COL5A3: variants seen among roughly 807,000 people sequenced by gnomAD.
The protein encoded by COL5A3 is collagen alpha-3(V) chain.
In COL5A3, 172 loss-of-function variants were observed where a neutral mutation model predicts 250.0. The ratio of observed to expected loss-of-function variants is 0.69; its 90% CI spans 0.61 to 0.78. COL5A3 has a LOEUF of 0.78. COL5A3 is among the 30% of genes least tolerant of loss of function. The pLI, the probability that COL5A3 is intolerant of heterozygous loss-of-function variation, is 0.00. For missense variants in COL5A3, 2,340 were observed against 2,334.4 expected (o/e 1.00, Z -0.05); for synonymous variants, 937 against 900.4 (o/e 1.04, Z -0.73).
At chr19:9,986,656 C>A in intron 28 of COL5A3, 50 bp from the exon 29 acceptor site, 11 of 1,613,712 alleles carry the variant, frequency 6.8e-6, no homozygotes, top group Non-Finnish European at 9.3e-6. Flanking sequence ...GGAAGGGACA[C>A]AACCAGGACC....
intron 16 of COL5A3, 75 bp downstream of exon 16, chr19:9,995,489 G>T: frequency 7.3e-7 from 1 of 1,362,468 alleles, no homozygotes; most frequent in South Asian, 1.4e-5. Flanking sequence ...CAGACCCCAA[G>T]GTCACAAAGC....
chr19:9,970,798 C>A (rs945537712), intron 53 of COL5A3, 123 bp from the exon 54 acceptor site: 1 of 1,002,144 alleles, frequency 1.0e-6, no homozygotes, highest in Non-Finnish European at 1.4e-6. Context: ...GGTACTCCCA[C>A]CTCCCACCTA....
rs781654072 is a variant in COL5A3 at position 9,969,648 on chromosome 19, G to A, written c.4025C>T (p.Thr1342Met). 2.0e-4 allele frequency: 317 copies of A among 1,588,852 alleles called. 2 individuals are homozygous for A. Among genetic ancestry groups the A allele is most frequent in the South Asian group, 5.1e-4 (44 of 86,942 alleles). The change falls in exon 56 of 67, where the codon ACG (threonine) becomes ATG (methionine). Residue 1342 changes from threonine to methionine, a missense_variant. This residue lies in a region of COL5A3 where 1,179 missense variants were observed against 1,162.6 expected (regional missense o/e 1.01). Coordinates refer to ENST00000264828, the MANE Select transcript of COL5A3 (RefSeq NM_015719.4). ...GGGCCCTCTAGCCCCCATTGGACCC[G>A]TCCTCCCTGGGGGCCCATCAGGACC... ...EPGPDGPPGR[T>M]GPMGARGPPG...
intron 22 of COL5A3, 64 bp downstream of exon 22, chr19:9,991,940 G>A (rs1184375460): frequency 6.4e-7 from 1 of 1,569,866 alleles, no homozygotes. Context: ...AAGGGAATAG[G>A]GATGTGGACA....
intron 8 of COL5A3, among the ~76,000 whole-genome samples, chr19:9,998,562 A>G (rs2087306637): frequency 6.6e-6 from 1 of 152,180 alleles, no homozygotes; most frequent in Non-Finnish European, 1.5e-5. Flanking sequence ...TTGGCACACA[A>G]CAAGCACTCC....
At position 9,979,897 on chromosome 19, in the gene COL5A3, G is replaced by T. The variant is rs1037628134; in HGVS notation, c.2659-5C>A. 6.4e-7 allele frequency: 1 copy of T among 1,570,570 alleles called. No homozygotes were observed. Among genetic ancestry groups the T allele is most frequent in the Non-Finnish European group, 8.6e-7 (1 of 1,165,642 alleles). On this transcript the variant is annotated splice_polypyrimidine_tract_variant and splice_region_variant and intron_variant, in intron 36 of 66. Coordinates refer to ENST00000264828, the MANE Select transcript of COL5A3 (RefSeq NM_015719.4). ...CCCATCTTTACCTTGGTGACCCTGGGGGATGAGGTGGGAAAAAGTTGGGGC... is the reference window on the plus strand; with the variant it reads ...CCCATCTTTACCTTGGTGACCCTGGTGGATGAGGTGGGAAAAAGTTGGGGC...
chr19:9,998,401 A>G (rs2087304694), intron 8 of COL5A3, among the ~76,000 whole-genome samples: 1 of 152,164 alleles, frequency 6.6e-6, no homozygotes, highest in Non-Finnish European at 1.5e-5. Flanking sequence ...CTGATCCTGC[A>G]TCTGCCTCTT....
intron 5 of COL5A3, 61 bp downstream of exon 5, chr19:10,003,980 T>C: frequency 7.4e-7 from 1 of 1,356,072 alleles, no homozygotes; most frequent in Non-Finnish European, 1.1e-6. Flanking sequence ...TCTAGGGATC[T>C]GGAGCCAGGA....
At chr19:9,989,784 G>A (rs1029936475) in intron 24 of COL5A3, among the ~76,000 whole-genome samples, 1 of 152,148 alleles carries the variant, frequency 6.6e-6, no homozygotes, top group Non-Finnish European at 1.5e-5. Context: ...GCACAACAGG[G>A]TAACTATAGT....
Position 9,960,447 on chromosome 19 carries a change from A to G in COL5A3, c.5202T>C (p.Phe1734=), listed in dbSNP as rs768698248. 7 of 1,614,176 alleles carry G rather than the reference A, an allele frequency of 4.3e-6. No homozygotes were observed. In the South Asian group the frequency reaches 6.6e-5, roughly 15 times the overall value. Residue 1734 remains phenylalanine (F), a synonymous_variant, in exon 67 of 67, where the codon TTT becomes TTC. Transcript: ENST00000264828. ...ATDFGQTNQK[F]GFELGPVCFS... is the part of the protein sequence containing the mutation. ...AGCAGACGGGGCCCAGTTCAAACCC[A>G]AACTTTTGGTTCGTCTGGCCAAAGT...
chr19:9,983,941 A>G (rs980606287), intron 31 of COL5A3, among the ~76,000 whole-genome samples: 41 of 152,066 alleles, frequency 2.7e-4, no homozygotes, highest in African/African-American at 9.4e-4. Context: ...GTCAAATCCA[A>G]CGTAGGCAAG....
chr19:9,995,513 G>A (rs2087256473), intron 16 of COL5A3, 51 bp downstream of exon 16: 2 of 1,516,592 alleles, frequency 1.3e-6, no homozygotes, highest in African/African-American at 2.8e-5. Flanking sequence ...GGCTCATGTT[G>A]GGTGTTGAGG....
At chr19:9,979,493 A>C (rs1599545772) in intron 37 of COL5A3, 76 bp from the exon 38 acceptor site, 1 of 1,511,582 alleles carries the variant, frequency 6.6e-7, no homozygotes. Flanking sequence ...GGAAGGCCTG[A>C]TAGGATCAGG....
At position 9,997,968 on chromosome 19, in the gene COL5A3, C is replaced by T. The variant is rs1489098065; in HGVS notation, c.1200+16G>A. Reference sequence around the variant, plus strand: ...GAAGGGAAAGACTGGAAGAAGGAAACACAGCCATGACTTACTTGGGGTCCT... The same window carrying T: ...GAAGGGAAAGACTGGAAGAAGGAAATACAGCCATGACTTACTTGGGGTCCT... On this transcript the variant is annotated intron_variant, in intron 10 of 66. Transcript: ENST00000264828. 1 of 1,613,888 alleles carries T rather than the reference C, an allele frequency of 6.2e-7. No individual in the cohort carries two copies. Among genetic ancestry groups the T allele is most frequent in the African/African-American group, 1.3e-5 (1 of 74,908 alleles).
intron 1 of COL5A3, 71 bp downstream of exon 1, chr19:10,010,223 CCCCT>C: frequency 9.1e-7 from 1 of 1,096,602 alleles, no homozygotes; most frequent in Non-Finnish European, 1.2e-6. Flanking sequence ...CCCCTCCACC[CCCCT>C]CCACCCCTCG....
Position 9,969,605 on chromosome 19 carries a change from A to G in COL5A3, c.4068T>C (p.Pro1356=), listed in dbSNP as rs62638754. The change falls in exon 56 of 67, where the codon CCT becomes CCC. Residue 1356 remains proline, a synonymous_variant. Coordinates refer to ENST00000264828, the MANE Select transcript of COL5A3 (RefSeq NM_015719.4). ...GGCCAGGGATCCCTCGAAGACCCTC[A>G]GGCCCCACACGTCCAGGGGGCCCTC... ...GARGPPGRVG[P]EGLRGIPGPV... 40,252 of 1,606,970 alleles carry G rather than the reference A, an allele frequency of 0.025. 1,835 individuals carry two copies. The highest frequency in any genetic ancestry group is 0.2 in the African/African-American group (14,699 of 74,548).
At chr19:9,978,507 T>C in intron 41 of COL5A3, 67 bp downstream of exon 41, 1 of 1,075,304 alleles carries the variant, frequency 9.3e-7, no homozygotes, top group Non-Finnish European at 1.4e-6. Flanking sequence ...CATGACAATG[T>C]CAAGCTTCCA....
chr19:10,001,455 TA>T, intron 8 of COL5A3, 68 bp downstream of exon 8: 1 of 1,521,860 alleles, frequency 6.6e-7, no homozygotes, highest in Non-Finnish European at 8.9e-7. Context: ...CCTAAATAAA[TA>T]AATTTTAAAA....
chr19:9,989,090 G>A, intron 27 of COL5A3, 34 bp downstream of exon 27: 1 of 1,610,606 alleles, frequency 6.2e-7, no homozygotes, highest in Admixed American at 1.7e-5. Flanking sequence ...CCCAAAGCTG[G>A]TAAATCACTC....
Sources: allele counts gnomAD v4.1 joint callset (sites outside exome capture counted in the v4.1 genomes callset), GRCh38; gene constraint gnomAD v4.1.1; regional missense constraint gnomAD v4.1.1; transcripts MANE v1.5; gene names NCBI Gene and HGNC (gene_info 2026-07-23, HGNC 2026-07-21).